The following TTC28 variants were observed in gnomAD, a reference collection of about 807,000 sequenced individuals.
TTC28 encodes the protein tetratricopeptide repeat protein 28.
TTC28 carries 61 observed loss-of-function variants against 198.0 expected under a neutral mutation model. The ratio of observed to expected loss-of-function variants is 0.31; its 90% CI spans 0.25 to 0.38. The LOEUF is 0.38. Among genes scored for constraint, TTC28 ranks in the 10% least tolerant of loss-of-function variants. The pLI, the probability that TTC28 is intolerant of heterozygous loss-of-function variation, is 1.00. For synonymous variants in TTC28, 1,171 were observed against 1,297.8 expected (o/e 0.90, Z 2.10); for missense variants, 2,678 against 3,164.0 (o/e 0.85, Z 3.69).
chr22:28,122,080 C>G (rs1201321663), intron 6 of TTC28, among the ~76,000 whole-genome samples: 2 of 152,162 alleles, frequency 1.3e-5, no homozygotes, highest in African/African-American at 4.8e-5. Flanking sequence ...GTTGGCCAGG[C>G]TGTTCTCGAA....
intron 2 of TTC28, among the ~76,000 whole-genome samples, chr22:28,576,376 G>A (rs974229419): frequency 5.9e-5 from 9 of 151,896 alleles, no homozygotes; most frequent in Non-Finnish European, 1.2e-4. Flanking sequence ...TGTTGCATTC[G>A]GTTTGCAAGT....
At chr22:28,675,408 T>C (rs2051966118) in intron 1 of TTC28, among the ~76,000 whole-genome samples, 1 of 152,070 alleles carries the variant, frequency 6.6e-6, no homozygotes, top group Admixed American at 6.6e-5. Flanking sequence ...AAAAAACAGA[T>C]AAGCTAGACT....
At chr22:28,004,016 C>T (rs1020347323) in intron 14 of TTC28, among the ~76,000 whole-genome samples, 1 of 152,184 alleles carries the variant, frequency 6.6e-6, no homozygotes, top group Non-Finnish European at 1.5e-5. Flanking sequence ...ACTTAGAAAA[C>T]TAAAATGCAC....
Position 28,001,270 on chromosome 22 carries a change from G to A in TTC28, c.4398+104C>T, listed in dbSNP as rs184639695. On this transcript the variant is annotated intron_variant, in intron 15 of 22. Coordinates refer to ENST00000397906, the MANE Select transcript of TTC28 (RefSeq NM_001145418.2). ...ATCATAAAATCAACACTTTTGAGGA[G>A]ATCACAGCTATGCCTTCGTAACACA... 22 of 1,373,756 alleles carry A rather than the reference G, an allele frequency of 1.6e-5. No homozygotes were observed. In the Admixed American group the frequency reaches 3.8e-4, roughly 24 times the overall value. 85.1% of individuals were successfully genotyped at this position (1,373,756 alleles called of 1,614,324 possible).
intron 1 of TTC28, among the ~76,000 whole-genome samples, chr22:28,630,991 C>T (rs2051164344): frequency 6.6e-6 from 1 of 152,156 alleles, no homozygotes; most frequent in South Asian, 2.1e-4. Context: ...CAGTGGCATG[C>T]ACCTGTAGTC....
intron 1 of TTC28, among the ~76,000 whole-genome samples, chr22:28,676,455 TGA>T (rs2051991225): frequency 6.6e-6 from 1 of 152,156 alleles, no homozygotes. Context: ...TGTGATTCTG[TGA>T]ACATATTATA....
chr22:28,101,341 G>A (rs1050139945), intron 8 of TTC28, 61 bp from the exon 9 acceptor site: 40 of 1,310,066 alleles, frequency 3.1e-5, no homozygotes, highest in Non-Finnish European at 3.9e-5. Flanking sequence ...CTATCCTAAG[G>A]AGTCCTGAAG....
At chr22:28,451,731 T>C (rs2047780541) in intron 2 of TTC28, among the ~76,000 whole-genome samples, 1 of 152,218 alleles carries the variant, frequency 6.6e-6, no homozygotes, top group Non-Finnish European at 1.5e-5. Context: ...ATCATAACAA[T>C]GCTATGACTA....
chr22:28,454,586 G>GT (rs2047830343), intron 2 of TTC28, among the ~76,000 whole-genome samples: 1 of 152,172 alleles, frequency 6.6e-6, no homozygotes, highest in Admixed American at 6.5e-5. Context: ...AAAGTAAGCA[G>GT]TAATTATTCT....
chr22:28,523,348 G>C (rs1383228099), intron 2 of TTC28, among the ~76,000 whole-genome samples: 1 of 152,168 alleles, frequency 6.6e-6, no homozygotes, highest in Non-Finnish European at 1.5e-5. Flanking sequence ...AGTTAACTCA[G>C]CAAAAGGATA....
chr22:28,462,764 T>C (rs1361115070), intron 2 of TTC28, among the ~76,000 whole-genome samples: 1 of 152,166 alleles, frequency 6.6e-6, no homozygotes, highest in African/African-American at 2.4e-5. Context: ...CCAGCTGTTC[T>C]CAAATTTTAG....
intron 2 of TTC28, among the ~76,000 whole-genome samples, chr22:28,552,041 A>G (rs2049682545): frequency 6.6e-6 from 1 of 152,220 alleles, no homozygotes; most frequent in South Asian, 2.1e-4. Context: ...TTTAGGATAC[A>G]AAATTAATAC....
Position 28,349,406 on chromosome 22 carries a change from T to C in TTC28, c.382-42763A>G, listed in dbSNP as rs565571079. On this transcript the variant is annotated intron_variant, in intron 2 of 22. Coordinates refer to ENST00000397906, the MANE Select transcript of TTC28 (RefSeq NM_001145418.2). ...CATTGCTCAGTATAGTCACTGATTT[T>C]CAACCAAACAGATGGGAACATAATC... Among the ~76,000 whole-genome samples the C allele has an allele frequency of 1.7e-4, 26 of 152,354 alleles. No homozygotes were observed. The South Asian group carries it at 5.0e-3, about 29-fold the overall frequency.
At chr22:27,986,557 G>A (rs1937222018) in intron 21 of TTC28, among the ~76,000 whole-genome samples, 1 of 152,116 alleles carries the variant, frequency 6.6e-6, no homozygotes, top group South Asian at 2.1e-4. Flanking sequence ...GAACTCCCCT[G>A]ACAACACTGC....
At chr22:28,522,169 C>G (rs1035429196) in intron 2 of TTC28, among the ~76,000 whole-genome samples, 1 of 152,118 alleles carries the variant, frequency 6.6e-6, no homozygotes, top group Non-Finnish European at 1.5e-5. Flanking sequence ...TAAGAACTTT[C>G]ATAGTACCAT....
intron 12 of TTC28, among the ~76,000 whole-genome samples, chr22:28,072,232 T>A (rs1224500761): frequency 6.6e-6 from 1 of 152,196 alleles, no homozygotes; most frequent in Non-Finnish European, 1.5e-5. Flanking sequence ...TGATGCTATG[T>A]TGACCGTGTG....
chr22:28,439,332 G>GT (rs2047577371), intron 2 of TTC28, among the ~76,000 whole-genome samples: 2 of 151,960 alleles, frequency 1.3e-5, no homozygotes, highest in South Asian at 2.1e-4. Context: ...AATCACTATG[G>GT]TTTTTTTTCT....
At chr22:28,603,379 T>C (rs1159694974) in intron 2 of TTC28, among the ~76,000 whole-genome samples, 1 of 152,056 alleles carries the variant, frequency 6.6e-6, no homozygotes, top group Non-Finnish European at 1.5e-5. Context: ...TTCTTTCTTT[T>C]TTTTTTTGTT....
At chr22:28,585,934 A>G (rs1353852854) in intron 2 of TTC28, among the ~76,000 whole-genome samples, 1 of 152,016 alleles carries the variant, frequency 6.6e-6, no homozygotes, top group African/African-American at 2.4e-5. Flanking sequence ...TATGTAACAA[A>G]CCTGCAAGTT....
Sources: gnomAD v4.1 joint callset for allele counts (sites outside exome capture counted in the v4.1 genomes callset) on GRCh38, gnomAD v4.1.1 for gene constraint, MANE v1.5 for transcripts, NCBI Gene and HGNC (gene_info 2026-07-23, HGNC 2026-07-21) for gene names.